The following BNC2 variants were observed in gnomAD, a reference collection of about 807,000 sequenced individuals.
The protein encoded by BNC2 is basonuclin zinc finger protein 2, also known as zinc finger protein basonuclin-2.
A neutral mutation model predicts 76.3 loss-of-function variants in BNC2; 20 were observed. The ratio of observed to expected loss-of-function variants is 0.26; its 90% CI spans 0.18 to 0.38. BNC2 has a LOEUF of 0.38. BNC2 is among the 10% of genes least tolerant of loss of function. BNC2 has a pLI of 1.00. For missense variants in BNC2, 1,382 were observed against 1,399.8 expected, an observed-to-expected ratio of 0.99 and a Z score of 0.20; for synonymous variants, 582 against 514.8, an observed-to-expected ratio of 1.13 and a Z score of -1.77.
intron 3 of BNC2, among the ~76,000 whole-genome samples, chr9:16,605,651 A>G (rs575266912): frequency 8.5e-5 from 13 of 152,338 alleles, no homozygotes; most frequent in African/African-American, 2.4e-4. Flanking sequence ...CAAAGTGACA[A>G]CTTCAGAAAA....
intron 5 of BNC2, among the ~76,000 whole-genome samples, chr9:16,443,926 G>T (rs1274571793): frequency 6.6e-6 from 1 of 152,184 alleles, no homozygotes; most frequent in Non-Finnish European, 1.5e-5. Flanking sequence ...TGGCCACATA[G>T]ATTGTACACT....
chr9:16,741,165 C>G (rs1259147256), intron 1 of BNC2, among the ~76,000 whole-genome samples: 4 of 152,026 alleles, frequency 2.6e-5, no homozygotes, highest in Non-Finnish European at 5.9e-5. Context: ...AACATTGGGT[C>G]CAACTGGAAA....
intron 1 of BNC2, among the ~76,000 whole-genome samples, chr9:16,809,582 C>G (rs1817996090): frequency 1.3e-5 from 2 of 152,102 alleles, no homozygotes; most frequent in South Asian, 2.1e-4. Context: ...CACAGCAATT[C>G]AGGAGTCTCC....
intron 1 of BNC2, among the ~76,000 whole-genome samples, chr9:16,806,367 T>C (rs1360022078): frequency 6.6e-6 from 1 of 151,862 alleles, no homozygotes; most frequent in East Asian, 1.9e-4. Context: ...GCTTAGTTTC[T>C]TTCTAAAAAA....
At chr9:16,713,713 T>G (rs1823916562) in intron 3 of BNC2, among the ~76,000 whole-genome samples, 1 of 152,036 alleles carries the variant, frequency 6.6e-6, no homozygotes, top group Non-Finnish European at 1.5e-5. Context: ...TATTAAGAAT[T>G]TTACTTTGAA....
At chr9:16,473,382 G>A (rs565303802) in intron 5 of BNC2, 22 of 152,208 alleles carry the variant, frequency 1.4e-4, no homozygotes, top group African/African-American at 5.1e-4. Flanking sequence ...AGGGATATGA[G>A]GTAGCACTTA....
intron 1 of BNC2, among the ~76,000 whole-genome samples, chr9:16,771,560 C>T (rs986621397): frequency 6.6e-6 from 1 of 152,144 alleles, no homozygotes; most frequent in Admixed American, 6.5e-5. Flanking sequence ...CTAGCATATC[C>T]TGCATGAATA....
intron 5 of BNC2, among the ~76,000 whole-genome samples, chr9:16,509,780 T>A (rs933418170): frequency 3.3e-5 from 5 of 152,150 alleles, no homozygotes; most frequent in African/African-American, 9.7e-5. Context: ...TCTCCAAAGC[T>A]CCAAGTTATA....
intron 3 of BNC2, among the ~76,000 whole-genome samples, chr9:16,595,986 A>T (rs551258622): frequency 2.6e-5 from 4 of 152,286 alleles, no homozygotes; most frequent in Admixed American, 2.6e-4. Context: ...ATAATGGGCT[A>T]TAACAGCTTC....
chr9:16,761,143 G>A (rs1421472457), intron 1 of BNC2, among the ~76,000 whole-genome samples: 1 of 152,284 alleles, frequency 6.6e-6, no homozygotes, highest in East Asian at 1.9e-4. Flanking sequence ...AGCTACTTGG[G>A]AGGCTAAGGC....
chr9:16,630,166 T>C (rs900361447), intron 3 of BNC2, among the ~76,000 whole-genome samples: 3 of 151,810 alleles, frequency 2.0e-5, no homozygotes, highest in African/African-American at 4.9e-5. Flanking sequence ...AACTAATACA[T>C]AGACTTGAAA....
chr9:16,770,865 C>G (rs1265480047), intron 1 of BNC2, among the ~76,000 whole-genome samples: 1 of 151,702 alleles, frequency 6.6e-6, no homozygotes, highest in Non-Finnish European at 1.5e-5. Context: ...AAAGCAAGAC[C>G]CTGTCACAAA....
intron 1 of BNC2, among the ~76,000 whole-genome samples, chr9:16,767,712 T>C (rs1825735323): frequency 6.6e-6 from 1 of 152,204 alleles, no homozygotes; most frequent in African/African-American, 2.4e-5. Flanking sequence ...CAAACATGTA[T>C]TATACAAACG....
chr9:16,490,146 T>A (rs1204968375), intron 5 of BNC2, among the ~76,000 whole-genome samples: 1 of 152,186 alleles, frequency 6.6e-6, no homozygotes, highest in Non-Finnish European at 1.5e-5. Flanking sequence ...TCCATTTTCA[T>A]GCTGCTGATA....
intron 1 of BNC2, among the ~76,000 whole-genome samples, chr9:16,747,327 T>A (rs1053106760): frequency 8.5e-6 from 1 of 117,906 alleles, no homozygotes; most frequent in Non-Finnish European, 1.8e-5. Context: ...TACAAGACAT[T>A]GCAAGTTTTA....
Position 16,488,310 on chromosome 9 carries a change from T to G in BNC2, c.670-50786A>C, listed in dbSNP as rs113348349. ...AACTCATAAGTTAGGAAGTCTGTTT[T>G]CTGCTCTAGAGACCTCTTTAAGTAA... On this transcript the variant is annotated intron_variant, in intron 5 of 6. Transcript: ENST00000380672. 1.3e-3 allele frequency among the ~76,000 whole-genome samples: 202 copies of G among 152,212 alleles called. 1 individual carries two copies. The highest frequency in any genetic ancestry group is 1.4e-3 in the Non-Finnish European group (93 of 68,036).
At position 16,419,654 on chromosome 9, in the gene BNC2, G is replaced by T. The variant is rs200132503; in HGVS notation, c.2640-5C>A. 15 of 1,013,734 alleles carry T rather than the reference G, an allele frequency of 1.5e-5. No homozygotes were observed. The highest frequency in any genetic ancestry group is 2.0e-5 in the African/African-American group (1 of 51,226). 62.8% of individuals were successfully genotyped at this position (1,013,734 alleles called of 1,614,324 possible). A position where few individuals can be genotyped will look rare whatever the true frequency, so the allele number is the denominator to read the frequency against. ...AGGTTTATGTTGGCACTGTGTCTAGGAAAACAAGAGGGAAGGGGGGGTACG... is the reference window on the plus strand; with the variant it reads ...AGGTTTATGTTGGCACTGTGTCTAGTAAAACAAGAGGGAAGGGGGGGTACG... On this transcript the variant is annotated splice_polypyrimidine_tract_variant and splice_region_variant and intron_variant, in intron 6 of 6. Coordinates refer to ENST00000380672, the MANE Select transcript of BNC2 (RefSeq NM_017637.6).
intron 5 of BNC2, among the ~76,000 whole-genome samples, chr9:16,499,381 T>A (rs1214566928): frequency 6.6e-6 from 1 of 152,048 alleles, no homozygotes; most frequent in East Asian, 1.9e-4. Flanking sequence ...TAATTAAATA[T>A]TAATTATATT....
At chr9:16,522,416 T>A (rs1042454990) in intron 5 of BNC2, among the ~76,000 whole-genome samples, 13 of 152,178 alleles carry the variant, frequency 8.5e-5, no homozygotes, top group Non-Finnish European at 1.8e-4. Context: ...CTGGTCTCCA[T>A]TGCTGTCGGG....
Sources: gnomAD v4.1 joint callset for allele counts (sites outside exome capture counted in the v4.1 genomes callset) on GRCh38, gnomAD v4.1.1 for gene constraint, MANE v1.5 for transcripts, NCBI Gene and HGNC (gene_info 2026-07-23, HGNC 2026-07-21) for gene names.